UQCC1: variants seen among roughly 807,000 people sequenced by gnomAD.
UQCC1 encodes the protein ubiquinol-cytochrome c reductase complex assembly factor 1.
In UQCC1, 38 loss-of-function variants were observed where a neutral mutation model predicts 48.0. That is an observed-to-expected ratio of 0.79 (90% confidence interval 0.61 to 1.04). The LOEUF (loss-of-function observed/expected upper bound fraction) is 1.04, where lower values mean the gene tolerates loss of function less well. Ranked by LOEUF, UQCC1 falls within the 50% of genes least tolerant of loss-of-function variation. The probability of loss-of-function intolerance (pLI) is 0.00; values close to 1 mark genes in which losing one functional copy is unlikely to be tolerated. For missense variants in UQCC1, 368 were observed against 381.8 expected, an observed-to-expected ratio of 0.96 and a Z score of 0.30; for synonymous variants, 111 against 129.2, an observed-to-expected ratio of 0.86 and a Z score of 0.95.
At chr20:35,385,710 A>G (rs1427654588) in intron 2 of UQCC1, among the ~76,000 whole-genome samples, 7 of 152,154 alleles carry the variant, frequency 4.6e-5, no homozygotes, top group Admixed American at 4.6e-4. Context: ...TATGTTGCCC[A>G]GGCTGGCCTC....
At chr20:35,379,572 G>A (rs2061842040) in intron 4 of UQCC1, among the ~76,000 whole-genome samples, 1 of 152,222 alleles carries the variant, frequency 6.6e-6, no homozygotes, top group East Asian at 1.9e-4. Context: ...GGGAGGCCAA[G>A]GCAGGCGGAA....
chr20:35,327,153 A>G (rs1489250321), intron 7 of UQCC1, among the ~76,000 whole-genome samples: 1 of 152,158 alleles, frequency 6.6e-6, no homozygotes, highest in East Asian at 1.9e-4. Flanking sequence ...CTTCTTCTCC[A>G]CAGCAATGAA....
chr20:35,308,269 C>T (rs1010983342), intron 8 of UQCC1, among the ~76,000 whole-genome samples: 1 of 152,276 alleles, frequency 6.6e-6, no homozygotes, highest in African/African-American at 2.4e-5. Context: ...GGCACAATGG[C>T]TGAGTCAGGA....
intron 7 of UQCC1, among the ~76,000 whole-genome samples, chr20:35,333,579 G>A (rs1418092874): frequency 6.6e-6 from 1 of 152,118 alleles, no homozygotes; most frequent in Non-Finnish European, 1.5e-5. Flanking sequence ...ATAAATACAC[G>A]AGTGACTGTG....
chr20:35,338,785 C>A (rs1050100187), intron 7 of UQCC1, among the ~76,000 whole-genome samples: 11 of 132,140 alleles, frequency 8.3e-5, no homozygotes, highest in African/African-American at 2.9e-4. Flanking sequence ...GTGGAGGTTG[C>A]AGTGAGCTGA....
chr20:35,306,945 A>G, intron 8 of UQCC1, 166 bp from the exon 9 acceptor site: 2 of 680,452 alleles, frequency 2.9e-6, no homozygotes, highest in South Asian at 3.1e-5. Context: ...AAGGGGTCTT[A>G]CAAGGGTATC....
chr20:35,395,363 T>G (rs956582307), intron 1 of UQCC1, among the ~76,000 whole-genome samples: 1 of 151,968 alleles, frequency 6.6e-6, no homozygotes, highest in African/African-American at 2.4e-5. Flanking sequence ...CCTTCACTCC[T>G]ATTATCTCAG....
Position 35,314,809 on chromosome 20 carries a change from GA to G in UQCC1, c.574-45del, listed in dbSNP as rs374668707. ...AAAACAAAAGTTTGAAAGAAAGAAA[GA>G]AAAAAACCCAAAAAGTATGATCTTT... On this transcript the variant is annotated intron_variant, in intron 7 of 9. Coordinates refer to ENST00000374385, the MANE Select transcript of UQCC1 (RefSeq NM_018244.5). The G allele has an allele frequency of 3.3e-6, 5 of 1,510,278 alleles. No homozygotes were observed. The African/African-American group carries it at 5.5e-5, about 17-fold the overall frequency. The allele number at this position is 1,510,278 out of a possible 1,614,324, so 93.6% of individuals were successfully genotyped here. A position where few individuals can be genotyped will look rare whatever the true frequency, so the allele number is the denominator to read the frequency against.
intron 5 of UQCC1, among the ~76,000 whole-genome samples, chr20:35,370,626 C>T (rs2061719902): frequency 6.6e-6 from 1 of 152,086 alleles, no homozygotes; most frequent in African/African-American, 2.4e-5. Flanking sequence ...CTCAGAAAAC[C>T]TGAAGAGTAG....
At chr20:35,372,746 G>A (rs551375875) in intron 5 of UQCC1, among the ~76,000 whole-genome samples, 3 of 152,226 alleles carry the variant, frequency 2.0e-5, no homozygotes, top group Non-Finnish European at 4.4e-5. Context: ...GCGTGCACCT[G>A]TAGTCCCAGC....
At chr20:35,310,065 C>T (rs1043535564) in intron 8 of UQCC1, among the ~76,000 whole-genome samples, 2 of 152,316 alleles carry the variant, frequency 1.3e-5, no homozygotes, top group Middle Eastern at 3.4e-3. Flanking sequence ...TCAAGTCATT[C>T]CCCCTGTTGT....
At chr20:35,307,306 C>T (rs2060940564) in intron 8 of UQCC1, among the ~76,000 whole-genome samples, 1 of 152,182 alleles carries the variant, frequency 6.6e-6, no homozygotes, top group Non-Finnish European at 1.5e-5. Flanking sequence ...TGTCTTCACT[C>T]TTACCCAACT....
At chr20:35,393,493 AACACACACAAACACACAC>A (rs1568706700) in intron 2 of UQCC1, among the ~76,000 whole-genome samples, 1 of 87,736 alleles carries the variant, frequency 1.1e-5, no homozygotes, top group Non-Finnish European at 2.3e-5. Flanking sequence ...CACACACACA[AACACACACAAACACACAC>A]ACACACACAC....
intron 4 of UQCC1, among the ~76,000 whole-genome samples, chr20:35,374,929 C>T (rs986323924): frequency 3.9e-5 from 6 of 151,926 alleles, no homozygotes; most frequent in African/African-American, 1.5e-4. Flanking sequence ...TTTTATATTA[C>T]ACTGTATATA....
At chr20:35,395,607 C>T (rs2062066897) in intron 1 of UQCC1, among the ~76,000 whole-genome samples, 1 of 152,100 alleles carries the variant, frequency 6.6e-6, no homozygotes, top group African/African-American at 2.4e-5. Context: ...TATATTTCTT[C>T]TCTCACAATA....
intron 7 of UQCC1, among the ~76,000 whole-genome samples, chr20:35,335,697 G>C (rs997927827): frequency 6.6e-6 from 1 of 152,278 alleles, no homozygotes; most frequent in Non-Finnish European, 1.5e-5. Flanking sequence ...CTGCTAATGG[G>C]CACAGGATTT....
At position 35,374,271 on chromosome 20, in the gene UQCC1, T is replaced by G; in HGVS notation, c.334-15A>C. On this transcript the variant is annotated splice_polypyrimidine_tract_variant and intron_variant, in intron 4 of 9. Transcript: ENST00000374385. ...ATCTTAATCTTCTAGACAAAGAGAA[T>G]AAAACCAAACTCAAGACATGACCAA... 6.2e-7 allele frequency: 1 copy of G among 1,602,726 alleles called. No homozygotes were observed. Among genetic ancestry groups the G allele is most frequent in the Non-Finnish European group, 8.5e-7 (1 of 1,174,030 alleles).
At chr20:35,321,283 T>TGTGTGTGTGTGTGTGTGTGTGCGC (rs1389196330) in intron 7 of UQCC1, among the ~76,000 whole-genome samples, 1 of 141,536 alleles carries the variant, frequency 7.1e-6, no homozygotes, top group African/African-American at 2.9e-5. Flanking sequence ...TGTGTGTGTG[T>TGTGTGTGTGTGTGTGTGTGTGCGC]GCGCGCGCGC....
Position 35,374,335 on chromosome 20 carries a change from C to T in UQCC1, c.334-79G>A, listed in dbSNP as rs1302408220. On this transcript the variant is annotated intron_variant, in intron 4 of 9. Coordinates refer to ENST00000374385, the MANE Select transcript of UQCC1 (RefSeq NM_018244.5). ...TTCCATTAGACATGGGTCACAAAAT[C>T]TTATATTTCTTCAACTAGAAGGAAG... 8 of 1,059,544 alleles carry T rather than the reference C, an allele frequency of 7.6e-6. No individual in the cohort carries two copies. The Admixed American group carries it at 1.8e-4, about 24-fold the overall frequency. The allele number at this position is 1,059,544 out of a possible 1,614,324, so 65.6% of individuals were successfully genotyped here.
Sources: allele counts gnomAD v4.1 joint callset (sites outside exome capture counted in the v4.1 genomes callset), GRCh38; gene constraint gnomAD v4.1.1; transcripts MANE v1.5; gene names NCBI Gene and HGNC (gene_info 2026-07-23, HGNC 2026-07-21).